PDE9A: variants seen among roughly 807,000 people sequenced by gnomAD.
PDE9A encodes the protein phosphodiesterase 9A, also known as high affinity cGMP-specific 3',5'-cyclic phosphodiesterase 9A.
A neutral mutation model predicts 87.4 loss-of-function variants in PDE9A; 60 were observed. The observed-to-expected ratio is 0.69, with a 90% CI of 0.56 to 0.85. PDE9A has a LOEUF of 0.85. Among genes scored for constraint, PDE9A ranks in the 40% least tolerant of loss-of-function variants. The probability of loss-of-function intolerance (pLI) is 0.00; values close to 1 mark genes in which losing one functional copy is unlikely to be tolerated. For synonymous variants in PDE9A, 272 were observed against 279.4 expected (o/e 0.97, Z 0.27); for missense variants, 665 against 779.0 (o/e 0.85, Z 1.74).
At chr21:42,737,236 T>C (rs141965847) in intron 7 of PDE9A, among the ~76,000 whole-genome samples, 43 of 152,324 alleles carry the variant, frequency 2.8e-4, no homozygotes, top group Non-Finnish European at 5.7e-4. Context: ...CATCTACATA[T>C]GCACACACAC....
In PDE9A at chr21:42,775,397, G is replaced by C; in HGVS notation, c.*104G>C. ...TGGGCACCTGGCACCACAAGACCAT[G>C]TTTTCTAAGAACCATTTTGTTCACT... On this transcript the variant is annotated 3_prime_UTR_variant, in exon 20 of 20. Transcript: ENST00000291539. The C allele has an allele frequency of 3.6e-6, 3 of 822,778 alleles. No individual in the cohort carries two copies. Among genetic ancestry groups the C allele is most frequent in the Non-Finnish European group, 3.7e-6 (2 of 543,592 alleles). The allele number at this position is 822,778 out of a possible 1,614,324, so 51.0% of individuals were successfully genotyped here. A position where few individuals can be genotyped will look rare whatever the true frequency, so the allele number is the denominator to read the frequency against.
At chr21:42,765,015 A>ATGGG (rs2056240936) in intron 14 of PDE9A, among the ~76,000 whole-genome samples, 3 of 145,826 alleles carry the variant, frequency 2.1e-5, no homozygotes, top group Non-Finnish European at 3.0e-5. Flanking sequence ...GGATGGATGG[A>ATGGG]TGGATGGGTG....
chr21:42,672,879 C>T (rs749294034), intron 1 of PDE9A, among the ~76,000 whole-genome samples: 5 of 152,158 alleles, frequency 3.3e-5, no homozygotes, highest in African/African-American at 4.8e-5. Flanking sequence ...GTGGCATCCC[C>T]GAGTTAAGAC....
intron 1 of PDE9A, among the ~76,000 whole-genome samples, chr21:42,676,915 C>G (rs1453418935): frequency 6.6e-6 from 1 of 152,192 alleles, no homozygotes; most frequent in African/African-American, 2.4e-5. Flanking sequence ...GTAAGATGCT[C>G]GAGAGGCTGA....
At chr21:42,774,932 C>T (rs969636090) in intron 19 of PDE9A, among the ~76,000 whole-genome samples, 3 of 149,594 alleles carry the variant, frequency 2.0e-5, no homozygotes, top group African/African-American at 7.4e-5. Context: ...TCTGCGACTG[C>T]TGGCACTTTT....
chr21:42,742,933 C>T (rs13050205), intron 7 of PDE9A, among the ~76,000 whole-genome samples: 9,459 of 152,204 alleles, frequency 0.062, 405 homozygotes, highest in African/African-American at 0.12. Flanking sequence ...TCGTAGTCTC[C>T]AGCTGCGTGA....
At chr21:42,751,038 C>G (rs2054362542) in intron 8 of PDE9A, 78 bp from the exon 9 acceptor site, 1 of 944,022 alleles carries the variant, frequency 1.1e-6, no homozygotes, top group Non-Finnish European at 1.8e-6. Flanking sequence ...TTGGGTTTGT[C>G]GCTTGCTTTT....
At chr21:42,754,105 C>T (rs952358182) in intron 10 of PDE9A, 41 bp downstream of exon 10, 3 of 1,340,240 alleles carry the variant, frequency 2.2e-6, no homozygotes, top group Admixed American at 3.4e-5. Context: ...CAGGGGGAGG[C>T]AGCTCAGGAT....
At position 42,722,135 on chromosome 21, in the gene PDE9A, C is replaced by G. The variant is rs1179383477; in HGVS notation, c.263-9635C>G. Among the ~76,000 whole-genome samples the G allele has an allele frequency of 6.6e-6, 1 of 152,004 alleles. No individual in the cohort carries two copies. The highest frequency in any genetic ancestry group is 6.6e-5 in the Admixed American group (1 of 15,264). On this transcript the variant is annotated intron_variant, in intron 4 of 19. Transcript: ENST00000291539. The surrounding 1 kb of genome is among the most constrained non-coding windows in gnomAD (Gnocchi z 4.1). ...GGATTACAGGCACGTACCACCATGC[C>G]CAGCTAATTTTTTTGTATTTTTAGT...
At chr21:42,685,483 T>TTTTTTTTTTTTTTTG (rs71190435) in intron 1 of PDE9A, among the ~76,000 whole-genome samples, 1 of 149,966 alleles carries the variant, frequency 6.7e-6, no homozygotes, top group East Asian at 2.0e-4. Flanking sequence ...TTTTTTTTTT[T>TTTTTTTTTTTTTTTG]GAGACGGAGT....
chr21:42,704,433 A>AACACACTCACAC lies in PDE9A; in HGVS notation c.262+5428_262+5429insTCACACACACAC. 7.3e-6 allele frequency among the ~76,000 whole-genome samples: 1 copy of AACACACTCACAC among 137,116 alleles called. No individual in the cohort carries two copies. Among genetic ancestry groups the AACACACTCACAC allele is most frequent in the East Asian group, 2.2e-4 (1 of 4,590 alleles). The allele number at this position is 137,116 out of a possible 152,430, so 90.0% of individuals were successfully genotyped here. ...CAGGTAGACCCCCCCCACCCCACCAAACACACACACACACACACACACACA... is the reference window on the plus strand; with the variant it reads ...CAGGTAGACCCCCCCCACCCCACCAAACACACTCACACACACACACACACACACACACACACA... On this transcript the variant is annotated intron_variant, in intron 4 of 19. Transcript: ENST00000291539. This position sits in a 1 kb window ranked among gnomAD's most constrained non-coding sequence, Gnocchi z 5.3.
chr21:42,729,362 C>T (rs1261888231), intron 4 of PDE9A, among the ~76,000 whole-genome samples: 2 of 152,146 alleles, frequency 1.3e-5, no homozygotes, highest in African/African-American at 4.8e-5. Flanking sequence ...CTGATATTGA[C>T]AGTCTGTGTC....
At chr21:42,686,363 C>T in intron 2 of PDE9A, 101 bp downstream of exon 2, 6 of 889,654 alleles carry the variant, frequency 6.7e-6, no homozygotes, top group Non-Finnish European at 1.1e-5. Context: ...GGGCCCGAGG[C>T]ACCGGCCTTC....
At chr21:42,661,164 T>C (rs2057453789) in intron 1 of PDE9A, among the ~76,000 whole-genome samples, 1 of 151,924 alleles carries the variant, frequency 6.6e-6, no homozygotes, top group African/African-American at 2.4e-5. Flanking sequence ...CCGGAGTAGC[T>C]GGGACTACAG....
At chr21:42,763,585 T>G (rs1232937132) in intron 14 of PDE9A, among the ~76,000 whole-genome samples, 3 of 152,188 alleles carry the variant, frequency 2.0e-5, no homozygotes, top group African/African-American at 7.2e-5. Context: ...CTTCCAGAAC[T>G]GTGAGAGAAT....
At chr21:42,701,592 A>G (rs1453830615) in intron 4 of PDE9A, among the ~76,000 whole-genome samples, 3 of 151,870 alleles carry the variant, frequency 2.0e-5, no homozygotes, top group Non-Finnish European at 4.4e-5. Context: ...ACACACCACC[A>G]TGCCCGGCGA....
At chr21:42,774,219 C>T (rs145192031) in intron 19 of PDE9A, among the ~76,000 whole-genome samples, 6 of 152,270 alleles carry the variant, frequency 3.9e-5, no homozygotes, top group Admixed American at 3.9e-4. Context: ...ATCAAGCATG[C>T]AAGGCTCAGG....
chr21:42,683,719 C>T (rs1377886301), intron 1 of PDE9A, among the ~76,000 whole-genome samples: 3 of 152,226 alleles, frequency 2.0e-5, no homozygotes, highest in African/African-American at 4.8e-5. Flanking sequence ...TAATCGCCCT[C>T]CCCTCGCCTT....
At position 42,739,068 on chromosome 21, in the gene PDE9A, C is replaced by T. The variant is rs1011509856; in HGVS notation, c.569-4708C>T. On this transcript the variant is annotated intron_variant, in intron 7 of 19. Transcript: ENST00000291539. The surrounding 1 kb of genome is among the most constrained non-coding windows in gnomAD (Gnocchi z 4.1). ...ACACAGGCATGTCCTAGGGTCCACA[C>T]CTGGTCAGCGGGAATAACAGGCAGC... Among the ~76,000 whole-genome samples the T allele has an allele frequency of 1.3e-5, 2 of 152,232 alleles. No homozygotes were observed. Among genetic ancestry groups the T allele is most frequent in the Non-Finnish European group, 2.9e-5 (2 of 68,030 alleles).
Sources: gnomAD v4.1 joint callset for allele counts (sites outside exome capture counted in the v4.1 genomes callset) on GRCh38, gnomAD v4.1.1 for gene constraint, Gnocchi (gnomAD v3.1) non-coding constraint, MANE v1.5 for transcripts, NCBI Gene and HGNC (gene_info 2026-07-23, HGNC 2026-07-21) for gene names.